The following SLA variants were observed in gnomAD, a reference collection of about 807,000 sequenced individuals.
SLA encodes the protein Src like adaptor.
In SLA, 16 loss-of-function variants were observed where a neutral mutation model predicts 30.3. The ratio of observed to expected loss-of-function variants is 0.53; its 90% CI spans 0.36 to 0.80. The LOEUF (loss-of-function observed/expected upper bound fraction) is 0.80. SLA is among the 30% of genes least tolerant of loss of function. The probability of loss-of-function intolerance (pLI) is 0.01; values close to 1 mark genes in which losing one functional copy is unlikely to be tolerated. For missense variants in SLA, 310 were observed against 345.2 expected, an observed-to-expected ratio of 0.90 and a Z score of 0.81; for synonymous variants, 143 against 137.8, an observed-to-expected ratio of 1.04 and a Z score of -0.26.
chr8:133,081,072 T>C lies in SLA; in HGVS notation c.-318-5942A>G, dbSNP rs149424823. 1.1e-3 allele frequency among the ~76,000 whole-genome samples: 165 copies of C among 152,374 alleles called. 1 individual carries two copies. The highest frequency in any genetic ancestry group is 3.7e-3 in the African/African-American group (152 of 41,596). On this transcript the variant is annotated intron_variant, in intron 1 of 8. Coordinates refer to ENST00000338087, the MANE Select transcript of SLA (RefSeq NM_001045556.3). Reference sequence around the variant, plus strand: ...ATTCTTTCTCTCAGCCCAGTGATGTTACTAATACTACTTTATCATGAGGGT... The same window carrying C: ...ATTCTTTCTCTCAGCCCAGTGATGTCACTAATACTACTTTATCATGAGGGT...
At chr8:133,064,869 C>T (rs1842838097) in intron 2 of SLA, among the ~76,000 whole-genome samples, 1 of 152,092 alleles carries the variant, frequency 6.6e-6, no homozygotes, top group Admixed American at 6.6e-5. Context: ...GGCCTTGCTG[C>T]TGGGAAGGAG....
At chr8:133,095,319 T>C (rs1355305992) in intron 1 of SLA, 6 of 1,464,220 alleles carry the variant, frequency 4.1e-6, no homozygotes, top group Non-Finnish European at 5.7e-6. Flanking sequence ...CACATGAGGC[T>C]GATGACCAAC....
chr8:133,093,321 C>T (rs1847879183), intron 1 of SLA, among the ~76,000 whole-genome samples: 1 of 152,088 alleles, frequency 6.6e-6, no homozygotes, highest in Non-Finnish European at 1.5e-5. Flanking sequence ...TTTATTGCTG[C>T]TGCTTATCAG....
intron 1 of SLA, among the ~76,000 whole-genome samples, chr8:133,093,143 T>TCTTTTCTTTTC: frequency 1.1e-5 from 1 of 94,018 alleles, no homozygotes; most frequent in African/African-American, 3.2e-5. Context: ...TCTTTTCTTT[T>TCTTTTCTTTTC]TTTTTTTTAA....
At chr8:133,055,097 G>A (rs143104037) in intron 3 of SLA, among the ~76,000 whole-genome samples, 99 of 152,184 alleles carry the variant, frequency 6.5e-4, no homozygotes, top group African/African-American at 2.3e-3. Context: ...CCTTCACGGA[G>A]CCACACGGCT....
In SLA at chr8:133,036,816, C is replaced by T. The variant is rs1837194857; in HGVS notation, c.*1708G>A. The T allele has an allele frequency of 6.6e-6, 1 of 152,616 alleles. No individual in the cohort carries two copies. The highest frequency in any genetic ancestry group is 1.5e-5 in the Non-Finnish European group (1 of 68,046). The allele number at this position is 152,616 out of a possible 1,614,324, so 9.5% of individuals were successfully genotyped here. Reference sequence around the variant, plus strand: ...TGTAATGCTTCCCACTGAGAAATCCCTCTGGGTGCTCCCCAAATGTTCCAA... The same window carrying T: ...TGTAATGCTTCCCACTGAGAAATCCTTCTGGGTGCTCCCCAAATGTTCCAA... On this transcript the variant is annotated 3_prime_UTR_variant, in exon 9 of 9. Coordinates refer to ENST00000338087, the MANE Select transcript of SLA (RefSeq NM_001045556.3).
At chr8:133,049,255 T>C in intron 5 of SLA, 4 of 417,922 alleles carry the variant, frequency 9.6e-6, no homozygotes, top group South Asian at 5.0e-5. Context: ...CTTGTTTATC[T>C]TACCCATTTT....
intron 3 of SLA, among the ~76,000 whole-genome samples, chr8:133,057,001 G>C (rs184146653): frequency 6.6e-6 from 1 of 152,206 alleles, no homozygotes; most frequent in African/African-American, 2.4e-5. Flanking sequence ...AGGGGATTCT[G>C]ATGCAGGTGG....
intron 2 of SLA, chr8:133,073,041 C>A (rs1011575556): frequency 2.6e-5 from 4 of 152,144 alleles, no homozygotes; most frequent in Non-Finnish European, 5.9e-5. Flanking sequence ...CTATTTAGTA[C>A]CTATTATCTC....
intron 2 of SLA, among the ~76,000 whole-genome samples, chr8:133,064,828 G>A (rs1179404887): frequency 6.6e-6 from 1 of 152,062 alleles, no homozygotes; most frequent in Admixed American, 6.5e-5. Flanking sequence ...ACAGTTGTAT[G>A]CACCTGGTCC....
chr8:133,099,798 C>A (rs2979018), intron 1 of SLA, among the ~76,000 whole-genome samples: 47,851 of 151,972 alleles, frequency 0.31, 8,187 homozygotes, highest in African/African-American at 0.44. Flanking sequence ...CTGTATTTTC[C>A]AAATGTATCC....
At chr8:133,039,105 C>T (rs761001016) in intron 8 of SLA, among the ~76,000 whole-genome samples, 91 of 152,176 alleles carry the variant, frequency 6.0e-4, no homozygotes, top group Non-Finnish European at 2.1e-4. Context: ...TCTCAAACTC[C>T]TGACCTTAGG....
At chr8:133,051,046 C>G (rs1057488234) in intron 3 of SLA, 131 bp from the exon 4 acceptor site, 1 of 628,216 alleles carries the variant, frequency 1.6e-6, no homozygotes, top group Non-Finnish European at 2.9e-6. Flanking sequence ...TTTTGAACCA[C>G]CAATTTACAG....
At chr8:133,061,253 C>G (rs1381021137) in intron 2 of SLA, among the ~76,000 whole-genome samples, 1 of 152,234 alleles carries the variant, frequency 6.6e-6, no homozygotes, top group Non-Finnish European at 1.5e-5. Flanking sequence ...AGGTGATCTA[C>G]CTGCCTTGGC....
intron 3 of SLA, among the ~76,000 whole-genome samples, chr8:133,059,668 T>C (rs1208060971): frequency 6.6e-6 from 1 of 152,176 alleles, no homozygotes; most frequent in Non-Finnish European, 1.5e-5. Flanking sequence ...GATCCAGCTC[T>C]TGCGGGGCTA....
intron 2 of SLA, among the ~76,000 whole-genome samples, chr8:133,062,148 T>A (rs775080812): frequency 6.6e-6 from 1 of 152,230 alleles, no homozygotes; most frequent in African/African-American, 2.4e-5. Context: ...TCTTTGTGAC[T>A]AGAAAAGAGG....
chr8:133,057,781 A>AAC (rs988184748), intron 3 of SLA, among the ~76,000 whole-genome samples: 5 of 151,886 alleles, frequency 3.3e-5, no homozygotes, highest in Non-Finnish European at 2.9e-5. Context: ...AAACAAAAAA[A>AAC]AAAAAACAAA....
chr8:133,089,671 C>T (rs192165541), intron 1 of SLA, among the ~76,000 whole-genome samples: 12 of 152,322 alleles, frequency 7.9e-5, no homozygotes, highest in Admixed American at 7.2e-4. Context: ...CATTTGTTCA[C>T]TCCCTCACTC....
intron 1 of SLA, among the ~76,000 whole-genome samples, chr8:133,077,431 T>C (rs7845804): frequency 0.28 from 42,089 of 152,092 alleles, 6,585 homozygotes; most frequent in African/African-American, 0.41. Flanking sequence ...TAACCTCCCC[T>C]GACCCCCAGC....
Sources: gnomAD v4.1 joint callset for allele counts (sites outside exome capture counted in the v4.1 genomes callset) on GRCh38, gnomAD v4.1.1 for gene constraint, MANE v1.5 for transcripts, NCBI Gene and HGNC (gene_info 2026-07-23, HGNC 2026-07-21) for gene names.